Variants in TMEFF2 observed in about 807,000 individuals in gnomAD.
The protein encoded by TMEFF2 is transmembrane protein with EGF like and two follistatin like domains 2.
In TMEFF2, 28 loss-of-function variants were observed where a neutral mutation model predicts 53.8. The ratio of observed to expected loss-of-function variants is 0.52; its 90% CI spans 0.39 to 0.71. The LOEUF is 0.71. Among genes scored for constraint, TMEFF2 ranks in the 30% least tolerant of loss-of-function variants. The probability of loss-of-function intolerance (pLI) is 0.00; values close to 1 mark genes in which losing one functional copy is unlikely to be tolerated. For missense variants in TMEFF2, 353 were observed against 455.2 expected, an observed-to-expected ratio of 0.78 and a Z score of 2.04; for synonymous variants, 162 against 166.3, an observed-to-expected ratio of 0.97 and a Z score of 0.20.
intron 7 of TMEFF2, among the ~76,000 whole-genome samples, chr2:191,968,710 A>G (rs976249982): frequency 6.6e-6 from 1 of 152,150 alleles, no homozygotes; most frequent in Non-Finnish European, 1.5e-5. Context: ...AGGCTAACTT[A>G]CACTGTGAGA....
At chr2:191,974,653 G>A (rs1290853672) in intron 7 of TMEFF2, among the ~76,000 whole-genome samples, 3 of 151,886 alleles carry the variant, frequency 2.0e-5, no homozygotes, top group Non-Finnish European at 4.4e-5. Flanking sequence ...TATGCAAATG[G>A]CATTCTTTTT....
intron 5 of TMEFF2, among the ~76,000 whole-genome samples, chr2:192,019,792 A>G (rs1686822293): frequency 6.6e-6 from 1 of 152,080 alleles, no homozygotes; most frequent in African/African-American, 2.4e-5. Flanking sequence ...AATAATTAGA[A>G]TAATATGTAA....
chr2:192,024,620 A>T (rs1686927755), intron 5 of TMEFF2, among the ~76,000 whole-genome samples: 1 of 152,206 alleles, frequency 6.6e-6, no homozygotes, highest in Non-Finnish European at 1.5e-5. Context: ...ATACTCGCGG[A>T]GTACATATAT....
chr2:192,012,672 T>C (rs1156439379), intron 5 of TMEFF2, among the ~76,000 whole-genome samples: 2 of 152,204 alleles, frequency 1.3e-5, no homozygotes, highest in East Asian at 3.8e-4. Flanking sequence ...ACTTTTAAAA[T>C]GTAAAGTTCT....
intron 4 of TMEFF2, among the ~76,000 whole-genome samples, chr2:192,093,221 T>C (rs901335303): frequency 2.6e-5 from 4 of 152,130 alleles, no homozygotes; most frequent in Non-Finnish European, 4.4e-5. Flanking sequence ...TGGGAAGAAA[T>C]AGATGTTACA....
At chr2:191,980,523 GA>G (rs1455939452) in intron 7 of TMEFF2, among the ~76,000 whole-genome samples, 2 of 152,146 alleles carry the variant, frequency 1.3e-5, no homozygotes, top group Non-Finnish European at 2.9e-5. Flanking sequence ...AAAGGAGAAA[GA>G]AGCTAATGAG....
chr2:192,049,682 G>A (rs543831723), intron 5 of TMEFF2, among the ~76,000 whole-genome samples: 1 of 152,194 alleles, frequency 6.6e-6, no homozygotes, highest in East Asian at 1.9e-4. Context: ...CCTGCAACAA[G>A]ATTTCAAAAG....
At chr2:191,955,661 T>G (rs1692060664) in intron 8 of TMEFF2, among the ~76,000 whole-genome samples, 1 of 150,364 alleles carries the variant, frequency 6.7e-6, no homozygotes, top group African/African-American at 2.4e-5. Flanking sequence ...AGTATTTATA[T>G]TTATAAACTA....
At chr2:192,193,193 T>A (rs2106053279) in intron 1 of TMEFF2, among the ~76,000 whole-genome samples, 1 of 152,322 alleles carries the variant, frequency 6.6e-6, no homozygotes, top group African/African-American at 2.4e-5. Flanking sequence ...GAGCCAGATT[T>A]AACTACAGCA....
chr2:192,115,660 A>G (rs1689387359), intron 4 of TMEFF2, among the ~76,000 whole-genome samples: 1 of 152,024 alleles, frequency 6.6e-6, no homozygotes, highest in African/African-American at 2.4e-5. Flanking sequence ...AAACCCCCCA[A>G]AAAACTCAAT....
At chr2:191,961,500 C>G (rs1473469079) in intron 7 of TMEFF2, among the ~76,000 whole-genome samples, 1 of 68,652 alleles carries the variant, frequency 1.5e-5, no homozygotes, top group Non-Finnish European at 3.2e-5. Flanking sequence ...TTTGTAATTA[C>G]TTAATTTTAC....
chr2:192,033,250 C>G (rs1374092334), intron 5 of TMEFF2, among the ~76,000 whole-genome samples: 1 of 152,036 alleles, frequency 6.6e-6, no homozygotes, highest in Non-Finnish European at 1.5e-5. Flanking sequence ...AAGACATAGG[C>G]AAAGATACTT....
At chr2:192,063,592 A>G (rs1688098944) in intron 4 of TMEFF2, among the ~76,000 whole-genome samples, 1 of 151,828 alleles carries the variant, frequency 6.6e-6, no homozygotes, top group African/African-American at 2.4e-5. Context: ...TGTTGTTCAA[A>G]TCATCCATAA....
chr2:192,079,154 T>C (rs550548077), intron 4 of TMEFF2, among the ~76,000 whole-genome samples: 7 of 152,282 alleles, frequency 4.6e-5, no homozygotes, highest in Admixed American at 4.6e-4. Context: ...CAGCCAAAAA[T>C]TGAGCACAGT....
intron 4 of TMEFF2, among the ~76,000 whole-genome samples, chr2:192,135,424 C>A (rs987400848): frequency 1.3e-5 from 2 of 152,130 alleles, no homozygotes; most frequent in Admixed American, 6.5e-5. Flanking sequence ...TCATACAAAA[C>A]CGTATCCAGG....
intron 5 of TMEFF2, chr2:192,032,316 A>G (rs894811563): frequency 2.6e-5 from 4 of 152,212 alleles, no homozygotes; most frequent in Non-Finnish European, 4.4e-5. Context: ...TTCTATAAAA[A>G]AGCAGGCTAT....
At chr2:192,153,702 C>T (rs965874190) in intron 4 of TMEFF2, among the ~76,000 whole-genome samples, 5 of 151,832 alleles carry the variant, frequency 3.3e-5, no homozygotes, top group Middle Eastern at 3.2e-3. Flanking sequence ...AAGCATATTA[C>T]AGGCTGTCTA....
intron 4 of TMEFF2, among the ~76,000 whole-genome samples, chr2:192,170,219 A>G (rs992721357): frequency 3.3e-5 from 5 of 152,006 alleles, no homozygotes; most frequent in African/African-American, 9.7e-5. Flanking sequence ...ATAGCTCCAC[A>G]TGTCCTTTCA....
chr2:192,066,529 A>T (rs1296205925), intron 4 of TMEFF2, among the ~76,000 whole-genome samples: 1 of 151,896 alleles, frequency 6.6e-6, no homozygotes, highest in African/African-American at 2.4e-5. Flanking sequence ...AATTTTTCAT[A>T]ATTAAGCTAG....
Sources: allele counts gnomAD v4.1 joint callset (sites outside exome capture counted in the v4.1 genomes callset), GRCh38; gene constraint gnomAD v4.1.1; transcripts MANE v1.5; gene names NCBI Gene and HGNC (gene_info 2026-07-23, HGNC 2026-07-21).